CACNB2: variants seen among roughly 807,000 people sequenced by gnomAD.
CACNB2 encodes calcium voltage-gated channel auxiliary subunit beta 2.
A neutral mutation model predicts 73.3 loss-of-function variants in CACNB2; 42 were observed. The ratio of observed to expected loss-of-function variants is 0.57; its 90% CI spans 0.45 to 0.74. CACNB2 has a LOEUF of 0.74. Ranked by LOEUF, CACNB2 falls within the 30% of genes least tolerant of loss-of-function variation. CACNB2 has a pLI of 0.00. For synonymous variants in CACNB2, 348 were observed against 310.3 expected, an observed-to-expected ratio of 1.12 and a Z score of -1.28; for missense variants, 940 against 853.0, an observed-to-expected ratio of 1.10 and a Z score of -1.27.
chr10:18,196,348 A>G (rs374440526), intron 2 of CACNB2, among the ~76,000 whole-genome samples: 4 of 146,564 alleles, frequency 2.7e-5, no homozygotes, highest in South Asian at 4.3e-4. Context: ...GCTGGAGTGC[A>G]GTGGCCTGAT....
At chr10:18,147,072 A>T (rs945925247) in intron 1 of CACNB2, among the ~76,000 whole-genome samples, 1 of 152,220 alleles carries the variant, frequency 6.6e-6, no homozygotes, top group African/African-American at 2.4e-5. Context: ...TAAAATCTCC[A>T]GTTAACTGAC....
At chr10:18,207,745 A>G (rs531725175) in intron 2 of CACNB2, among the ~76,000 whole-genome samples, 43 of 152,348 alleles carry the variant, frequency 2.8e-4, no homozygotes, top group Non-Finnish European at 4.9e-4. Context: ...TGCATGTTGC[A>G]TATCACATAG....
chr10:18,522,151 T>C (rs556082644), intron 9 of CACNB2, among the ~76,000 whole-genome samples: 1 of 152,050 alleles, frequency 6.6e-6, no homozygotes, highest in Non-Finnish European at 1.5e-5. Context: ...TAATGCCTGG[T>C]GTTCTTTCAC....
At chr10:18,433,205 A>T (rs2132851406) in intron 3 of CACNB2, among the ~76,000 whole-genome samples, 1 of 152,330 alleles carries the variant, frequency 6.6e-6, no homozygotes, top group South Asian at 2.1e-4. Flanking sequence ...ATATAGCAAG[A>T]TGATCAAGAT....
intron 2 of CACNB2, among the ~76,000 whole-genome samples, chr10:18,180,206 A>T (rs1376033093): frequency 6.6e-6 from 1 of 152,086 alleles, no homozygotes; most frequent in Non-Finnish European, 1.5e-5. Flanking sequence ...GCCAACATAG[A>T]ACTGTAGCAG....
intron 2 of CACNB2, among the ~76,000 whole-genome samples, chr10:18,280,695 A>C (rs1469128584): frequency 2.0e-5 from 3 of 152,178 alleles, no homozygotes; most frequent in Admixed American, 2.0e-4. Context: ...TACAAATTTC[A>C]AGTAACTTTG....
intron 2 of CACNB2, among the ~76,000 whole-genome samples, chr10:18,300,043 C>T (rs996057194): frequency 2.5e-4 from 37 of 150,608 alleles, no homozygotes; most frequent in African/African-American, 7.6e-4. Context: ...TATTTTGAGA[C>T]GGAGTTTCAC....
At chr10:18,409,846 C>G (rs931432609) in intron 3 of CACNB2, among the ~76,000 whole-genome samples, 2 of 152,150 alleles carry the variant, frequency 1.3e-5, no homozygotes, top group African/African-American at 4.8e-5. Context: ...GCTAGAGTTT[C>G]ATCACTTAGG....
At chr10:18,382,604 T>C (rs535907917) in intron 2 of CACNB2, among the ~76,000 whole-genome samples, 1 of 152,152 alleles carries the variant, frequency 6.6e-6, no homozygotes, top group Non-Finnish European at 1.5e-5. Flanking sequence ...GTGTTCTCAT[T>C]GTTCGGCTCC....
chr10:18,277,222 AG>A (rs755689735), intron 2 of CACNB2, among the ~76,000 whole-genome samples: 230 of 152,338 alleles, frequency 1.5e-3, no homozygotes, highest in Non-Finnish European at 1.9e-3. Flanking sequence ...GAAAAGGGAA[AG>A]AGTCAGCCAG....
At chr10:18,173,728 T>G (rs2033402551) in intron 2 of CACNB2, among the ~76,000 whole-genome samples, 1 of 152,206 alleles carries the variant, frequency 6.6e-6, no homozygotes, top group Admixed American at 6.5e-5. Context: ...GTATGATATG[T>G]TTTCTAAGCC....
intron 2 of CACNB2, among the ~76,000 whole-genome samples, chr10:18,268,529 A>G (rs900186401): frequency 7.9e-5 from 12 of 152,216 alleles, no homozygotes; most frequent in Admixed American, 6.5e-4. Context: ...ACGTAGAGCA[A>G]TGTATATAGT....
intron 3 of CACNB2, among the ~76,000 whole-genome samples, chr10:18,423,587 A>G (rs1423284155): frequency 1.3e-5 from 2 of 152,188 alleles, no homozygotes; most frequent in Non-Finnish European, 2.9e-5. Flanking sequence ...TTAACTCTAT[A>G]TATTAAAATT....
At chr10:18,413,074 C>T (rs116716515) in intron 3 of CACNB2, among the ~76,000 whole-genome samples, 2,399 of 152,278 alleles carry the variant, frequency 0.016, 70 homozygotes, top group African/African-American at 0.053. Flanking sequence ...GGGTTCAAGT[C>T]GTTCTCCTGC....
intron 1 of CACNB2, among the ~76,000 whole-genome samples, chr10:18,147,243 A>C (rs185671094): frequency 4.6e-5 from 7 of 152,364 alleles, no homozygotes; most frequent in Admixed American, 1.3e-4. Context: ...CACTAAGCTG[A>C]TATTAACATC....
intron 2 of CACNB2, among the ~76,000 whole-genome samples, chr10:18,337,561 C>T (rs1335383081): frequency 6.6e-6 from 1 of 152,032 alleles, no homozygotes; most frequent in African/African-American, 2.4e-5. Flanking sequence ...TAAATTATTT[C>T]AGAATACAAA....
chr10:18,153,852 G>T (rs1032694552), intron 2 of CACNB2, among the ~76,000 whole-genome samples: 6 of 148,012 alleles, frequency 4.1e-5, no homozygotes, highest in African/African-American at 1.3e-4. Context: ...AAAGTGCTGG[G>T]ATTACAGGCA....
chr10:18,340,931 T>C, intron 2 of CACNB2: 1 of 1,614,166 alleles, frequency 6.2e-7, no homozygotes, highest in South Asian at 1.1e-5. Flanking sequence ...TCTAGCATGC[T>C]TGACAGACGC....
At chr10:18,315,526 A>AAAACATTTTTTTTTTTTTTAATTAGCC (rs1554791257) in intron 2 of CACNB2, among the ~76,000 whole-genome samples, 4 of 121,824 alleles carry the variant, frequency 3.3e-5, no homozygotes, top group Admixed American at 8.7e-5. Flanking sequence ...AAAAAAAAAA[A>AAAACATTTTTTTTTTTTTTAATTAGCC]AACTTTTTTT....
Sources: gnomAD v4.1 joint callset for allele counts (sites outside exome capture counted in the v4.1 genomes callset) on GRCh38, gnomAD v4.1.1 for gene constraint, MANE v1.5 for transcripts, NCBI Gene and HGNC (gene_info 2026-07-23, HGNC 2026-07-21) for gene names.